The following TLL2 variants were observed in gnomAD, a reference collection of about 807,000 sequenced individuals.
TLL2 encodes the protein tolloid-like protein 2.
A neutral mutation model predicts 123.0 loss-of-function variants in TLL2; 106 were observed. The ratio of observed to expected loss-of-function variants is 0.86; its 90% CI spans 0.74 to 1.01. TLL2 has a LOEUF of 1.01. Among genes scored for constraint, TLL2 ranks in the 50% least tolerant of loss-of-function variants. The probability of loss-of-function intolerance (pLI) is 0.00; values close to 1 mark genes in which losing one functional copy is unlikely to be tolerated. For synonymous variants in TLL2, 494 were observed against 516.8 expected, an observed-to-expected ratio of 0.96 and a Z score of 0.60; for missense variants, 1,332 against 1,336.7, an observed-to-expected ratio of 1.00 and a Z score of 0.06.
At chr10:96,453,235 C>T (rs1425536279) in intron 2 of TLL2, among the ~76,000 whole-genome samples, 1 of 152,072 alleles carries the variant, frequency 6.6e-6, no homozygotes, top group African/African-American at 2.4e-5. Flanking sequence ...GCGGGCGGAT[C>T]ACGTGAGGTC....
At chr10:96,489,108 A>G (rs1272839188) in intron 1 of TLL2, among the ~76,000 whole-genome samples, 1 of 152,250 alleles carries the variant, frequency 6.6e-6, no homozygotes, top group African/African-American at 2.4e-5. Flanking sequence ...GGCAACCCTC[A>G]TGGCACACAT....
chr10:96,418,227 A>G (rs1030439256), intron 7 of TLL2, among the ~76,000 whole-genome samples: 14 of 152,206 alleles, frequency 9.2e-5, no homozygotes, highest in African/African-American at 3.1e-4. Flanking sequence ...AAAAAAATAC[A>G]TATATATATT....
chr10:96,382,567 A>G (rs1469629950), intron 16 of TLL2, among the ~76,000 whole-genome samples: 1 of 152,254 alleles, frequency 6.6e-6, no homozygotes, highest in East Asian at 1.9e-4. Flanking sequence ...TTAATCCCCA[A>G]TGCAACAGTG....
intron 8 of TLL2, among the ~76,000 whole-genome samples, chr10:96,412,183 C>T (rs181009250): frequency 3.2e-4 from 49 of 152,184 alleles, no homozygotes; most frequent in African/African-American, 9.9e-4. Context: ...AATAGCTGGA[C>T]GGACATATTT....
chr10:96,491,609 A>G (rs944475664), intron 1 of TLL2, among the ~76,000 whole-genome samples: 3 of 152,352 alleles, frequency 2.0e-5, no homozygotes, highest in East Asian at 1.9e-4. Context: ...TGAAATCTTT[A>G]TAAATTAGTC....
intron 1 of TLL2, among the ~76,000 whole-genome samples, chr10:96,509,731 A>T (rs775248656): frequency 1.7e-4 from 26 of 152,224 alleles, no homozygotes; most frequent in Non-Finnish European, 2.8e-4. Context: ...GCAGATCACG[A>T]GGTCAGGAGA....
rs1408884849 is a variant in TLL2, at chr10:96,421,074, A to G, written c.818-13T>C. 3.1e-6 allele frequency: 5 copies of G among 1,606,590 alleles called. No individual in the cohort carries two copies. Among genetic ancestry groups the G allele is most frequent in the Middle Eastern group, 1.7e-4 (1 of 6,050 alleles). On this transcript the variant is annotated splice_polypyrimidine_tract_variant and intron_variant, in intron 6 of 20. Coordinates refer to ENST00000357947, the MANE Select transcript of TLL2 (RefSeq NM_012465.4). Reference sequence around the variant, plus strand: ...TTATACTCCTGACCTGTGACACAACACTGTGTTAAGCCCTTTGAAAACCAA... The same window carrying G: ...TTATACTCCTGACCTGTGACACAACGCTGTGTTAAGCCCTTTGAAAACCAA...
At chr10:96,386,829 C>T (rs557203937) in intron 14 of TLL2, 124 bp downstream of exon 14, 1 of 1,431,452 alleles carries the variant, frequency 7.0e-7, no homozygotes, top group East Asian at 2.3e-5. Flanking sequence ...GGTGGGTCTT[C>T]CACCATGTCT....
chr10:96,476,281 C>T lies in TLL2; in HGVS notation c.286+4068G>A, dbSNP rs1166358295. 6.3e-4 allele frequency among the ~76,000 whole-genome samples: 67 copies of T among 105,842 alleles called. 3 individuals are homozygous for T. Among genetic ancestry groups the T allele is most frequent in the Admixed American group, 5.9e-3 (57 of 9,586 alleles). 69.4% of individuals were successfully genotyped at this position (105,842 alleles called of 152,430 possible). A position where few individuals can be genotyped will look rare whatever the true frequency, so the allele number is the denominator to read the frequency against. On this transcript the variant is annotated intron_variant, in intron 2 of 20. Transcript: ENST00000357947. ...TGTTGTTGTTGTTGAGACGGAGTCT[C>T]ACTCTGTCACTCAGATGTAGTGCAG... is the stretch of plus-strand genomic sequence containing the variant.
At chr10:96,451,515 T>C (rs554107623) in intron 2 of TLL2, among the ~76,000 whole-genome samples, 73 of 152,344 alleles carry the variant, frequency 4.8e-4, no homozygotes, top group African/African-American at 1.7e-3. Context: ...TATTCATTAA[T>C]ATCATTCATA....
chr10:96,450,640 C>T (rs1007070708), intron 2 of TLL2, among the ~76,000 whole-genome samples: 1 of 152,172 alleles, frequency 6.6e-6, no homozygotes, highest in African/African-American at 2.4e-5. Context: ...CCATGTCTCA[C>T]ATCGAAATCG....
intron 3 of TLL2, among the ~76,000 whole-genome samples, chr10:96,437,028 G>C (rs1018674317): frequency 5.3e-5 from 8 of 151,892 alleles, no homozygotes; most frequent in African/African-American, 1.9e-4. Flanking sequence ...GCCTCATATA[G>C]CTTTTTTCTA....
At chr10:96,432,702 C>A in intron 4 of TLL2, 105 bp downstream of exon 4, 1 of 1,442,564 alleles carries the variant, frequency 6.9e-7, no homozygotes, top group East Asian at 2.3e-5. Context: ...TGCTGTGGTC[C>A]CTAACATCTG....
At chr10:96,399,309 T>A (rs1002968034) in intron 10 of TLL2, among the ~76,000 whole-genome samples, 2 of 152,228 alleles carry the variant, frequency 1.3e-5, no homozygotes, top group African/African-American at 4.8e-5. Context: ...AATTCACAGA[T>A]ATGTCACGGG....
At chr10:96,484,670 T>C (rs1182304050) in intron 1 of TLL2, among the ~76,000 whole-genome samples, 8 of 152,154 alleles carry the variant, frequency 5.3e-5, no homozygotes, top group Non-Finnish European at 1.0e-4. Context: ...ATAATCTTTC[T>C]TCAGTAGATG....
intron 7 of TLL2, among the ~76,000 whole-genome samples, chr10:96,417,463 C>A (rs1846573687): frequency 6.6e-6 from 1 of 152,208 alleles, no homozygotes; most frequent in Non-Finnish European, 1.5e-5. Flanking sequence ...CTCCTAATAG[C>A]CAAATCCTAC....
At chr10:96,396,168 C>T (rs1019952787) in intron 11 of TLL2, 148 bp from the exon 12 acceptor site, 5 of 899,724 alleles carry the variant, frequency 5.6e-6, no homozygotes, top group East Asian at 2.6e-5. Context: ...ACAAACACCG[C>T]GCCTCCAGAA....
intron 2 of TLL2, among the ~76,000 whole-genome samples, chr10:96,463,367 C>G (rs1021482633): frequency 1.3e-5 from 2 of 152,112 alleles, no homozygotes; most frequent in African/African-American, 4.8e-5. Context: ...AGAAAGGGGC[C>G]GGTCCTGGCC....
chr10:96,446,763 C>T (rs1846900651), intron 2 of TLL2, among the ~76,000 whole-genome samples: 1 of 152,194 alleles, frequency 6.6e-6, no homozygotes, highest in South Asian at 2.1e-4. Flanking sequence ...TACGTGTTTG[C>T]TAGTAGCCAT....
Sources: gnomAD v4.1 joint callset for allele counts (sites outside exome capture counted in the v4.1 genomes callset) on GRCh38, gnomAD v4.1.1 for gene constraint, MANE v1.5 for transcripts, NCBI Gene and HGNC (gene_info 2026-07-23, HGNC 2026-07-21) for gene names.